RASGRP1: variants seen among roughly 807,000 people sequenced by gnomAD.
RASGRP1 encodes the protein RAS guanyl releasing protein 1.
RASGRP1 carries 37 observed loss-of-function variants against 95.1 expected under a neutral mutation model. That is an observed-to-expected ratio of 0.39 (90% CI 0.30 to 0.51). The LOEUF (loss-of-function observed/expected upper bound fraction) is 0.51, where lower values mean the gene tolerates loss of function less well. Ranked by LOEUF, RASGRP1 falls within the 20% of genes least tolerant of loss-of-function variation. RASGRP1 has a pLI of 0.80. For synonymous variants in RASGRP1, 325 were observed against 353.4 expected (o/e 0.92, Z 0.90); for missense variants, 711 against 965.4 (o/e 0.74, Z 3.49).
At chr15:38,547,070 T>C (rs754564629) in intron 2 of RASGRP1, among the ~76,000 whole-genome samples, 58 of 152,208 alleles carry the variant, frequency 3.8e-4, no homozygotes, top group Non-Finnish European at 6.0e-4. Flanking sequence ...CAGCCACTCA[T>C]AAATGGTTCA....
In RASGRP1 at chr15:38,502,398, G is replaced by T; in HGVS notation, c.1452C>A (p.His484Gln). ...CCTGAGAAATGTATCCATCCTGGTC[G>T]TGATCATAGTTCTTGAAGACAGACT... Reference protein sequence around the residue: ...MVDSVFKNYDHDQDGYISQEE... With the variant: ...MVDSVFKNYDQDQDGYISQEE... Residue 484 changes from histidine to glutamine, a missense_variant, in exon 12 of 17, where the codon CAC becomes CAA. Physicochemically the swap from His to Gln is conservative, Grantham distance 24 (BLOSUM62 0). Transcript: ENST00000310803. The T allele has an allele frequency of 6.2e-7, 1 of 1,600,918 alleles. No individual in the cohort carries two copies. Among genetic ancestry groups the T allele is most frequent in the African/African-American group, 1.3e-5 (1 of 74,796 alleles).
intron 2 of RASGRP1, among the ~76,000 whole-genome samples, chr15:38,553,818 T>C (rs946606480): frequency 3.9e-5 from 6 of 152,206 alleles, no homozygotes; most frequent in African/African-American, 7.2e-5. Flanking sequence ...TCTCATTAGA[T>C]CTGGCTGGAT....
At chr15:38,543,394 T>C (rs1892978387) in intron 2 of RASGRP1, among the ~76,000 whole-genome samples, 1 of 152,172 alleles carries the variant, frequency 6.6e-6, no homozygotes, top group Admixed American at 6.6e-5. Context: ...ACTGATATAT[T>C]TGTCTATCCT....
At chr15:38,537,897 G>GT (rs1418603962) in intron 2 of RASGRP1, among the ~76,000 whole-genome samples, 22 of 152,188 alleles carry the variant, frequency 1.4e-4, no homozygotes, top group African/African-American at 4.8e-4. Context: ...AACTGCACCG[G>GT]TGAGTGAGGA....
chr15:38,523,385 T>TA (rs1298096189), intron 3 of RASGRP1, among the ~76,000 whole-genome samples: 15 of 152,254 alleles, frequency 9.9e-5, no homozygotes, highest in African/African-American at 3.4e-4. Flanking sequence ...TAATAAACAT[T>TA]AAACATTTTT....
chr15:38,499,198 G>C, intron 14 of RASGRP1: 1 of 631,918 alleles, frequency 1.6e-6, no homozygotes, highest in Non-Finnish European at 2.9e-6. Context: ...GGAGGGAAGA[G>C]ATGGTGTCCT....
Position 38,501,299 on chromosome 15 carries a change from T to C in RASGRP1, c.1539-12A>G, listed in dbSNP as rs760544788. 3 of 1,612,964 alleles carry C rather than the reference T, an allele frequency of 1.9e-6. No individual in the cohort carries two copies. Among genetic ancestry groups the C allele is most frequent in the African/African-American group, 2.7e-5 (2 of 74,906 alleles). On this transcript the variant is annotated splice_polypyrimidine_tract_variant and intron_variant, in intron 12 of 16. Transcript: ENST00000310803. ...TGATGAGGCCTTCCCTGCCGGCAGA[T>C]GACCAAGGCAAGGATGTGAGTATAA...
intron 3 of RASGRP1, among the ~76,000 whole-genome samples, chr15:38,520,419 C>CA (rs1166038371): frequency 8.5e-5 from 13 of 152,204 alleles, no homozygotes; most frequent in African/African-American, 3.1e-4. Context: ...TAAAGAAAAG[C>CA]AAAAGAGAGT....
intron 2 of RASGRP1, among the ~76,000 whole-genome samples, chr15:38,531,177 T>C (rs1049936681): frequency 1.3e-5 from 2 of 152,222 alleles, no homozygotes; most frequent in Non-Finnish European, 2.9e-5. Context: ...TGTTCACAAC[T>C]CACAGCTGAG....
At position 38,506,491 on chromosome 15, in the gene RASGRP1, C is replaced by T. The variant is rs149493664; in HGVS notation, c.1243-571G>A. ...CTCTACAAAAAATACAAAAGTTAAC[C>T]GGGCGTGGTGGCGTGTGCCCGTGGT... On this transcript the variant is annotated intron_variant, in intron 9 of 16. Coordinates refer to ENST00000310803, the MANE Select transcript of RASGRP1 (RefSeq NM_005739.4). Among the ~76,000 whole-genome samples, 444 of 151,950 alleles carry T rather than the reference C, an allele frequency of 2.9e-3. 2 individuals carry two copies. Among genetic ancestry groups the T allele is most frequent in the African/African-American group, 0.01 (426 of 41,426 alleles).
In RASGRP1 at chr15:38,502,994, A is replaced by G. The variant is rs572801742; in HGVS notation, c.1428+278T>C. Reference sequence around the variant, plus strand: ...ATTACCCCTTACTATACTCAAATGCATCCCAATACTTCTGTACTCCTAAAT... The same window carrying G: ...ATTACCCCTTACTATACTCAAATGCGTCCCAATACTTCTGTACTCCTAAAT... On this transcript the variant is annotated intron_variant, in intron 11 of 16. Coordinates refer to ENST00000310803, the MANE Select transcript of RASGRP1 (RefSeq NM_005739.4). 5 of 480,000 alleles carry G rather than the reference A, an allele frequency of 1.0e-5. No individual in the cohort carries two copies. The South Asian group carries it at 1.6e-4, about 15-fold the overall frequency. The allele number at this position is 480,000 out of a possible 1,614,324, so 29.7% of individuals were successfully genotyped here.
At chr15:38,541,576 A>G (rs760413396) in intron 2 of RASGRP1, among the ~76,000 whole-genome samples, 2 of 152,210 alleles carry the variant, frequency 1.3e-5, no homozygotes, top group Non-Finnish European at 2.9e-5. Context: ...TGGGTGATAG[A>G]GCAAGACCCT....
intron 1 of RASGRP1, among the ~76,000 whole-genome samples, chr15:38,560,947 T>C (rs1215547200): frequency 6.6e-6 from 1 of 152,214 alleles, no homozygotes; most frequent in Non-Finnish European, 1.5e-5. Flanking sequence ...ATTTGGGAAG[T>C]TGATTGTCTT....
intron 2 of RASGRP1, among the ~76,000 whole-genome samples, chr15:38,548,310 C>T (rs1474532989): frequency 1.3e-5 from 2 of 152,158 alleles, no homozygotes; most frequent in Admixed American, 1.3e-4. Context: ...TGCCTGTAAT[C>T]CCAATACTTT....
At chr15:38,506,635 CAAAAAAAAAAAAA>C (rs370153317) in intron 9 of RASGRP1, among the ~76,000 whole-genome samples, 5 of 71,620 alleles carry the variant, frequency 7.0e-5, no homozygotes, top group African/African-American at 2.1e-4. Flanking sequence ...ACCTTGTCTC[CAAAAAAAAAAAAA>C]AAAAAAAAAA....
chr15:38,544,581 ACTCT>A (rs1017976710), intron 2 of RASGRP1, among the ~76,000 whole-genome samples: 6 of 151,812 alleles, frequency 4.0e-5, no homozygotes, highest in African/African-American at 7.3e-5. Flanking sequence ...TCTTGCAAGC[ACTCT>A]CTCTGTCTGT....
chr15:38,526,741 G>A (rs559321065), intron 2 of RASGRP1, among the ~76,000 whole-genome samples: 1 of 152,170 alleles, frequency 6.6e-6, no homozygotes, highest in Non-Finnish European at 1.5e-5. Flanking sequence ...TGGTTGGGGG[G>A]TGGGCAGGGA....
chr15:38,516,123 T>A (rs1891773576), intron 6 of RASGRP1, 74 bp downstream of exon 6: 1 of 1,488,206 alleles, frequency 6.7e-7, no homozygotes, highest in Non-Finnish European at 9.3e-7. Context: ...ATGAAGCGGA[T>A]GGGCTGTTGA....
chr15:38,501,121 G>A, intron 13 of RASGRP1, 22 bp downstream of exon 13: 4 of 1,573,096 alleles, frequency 2.5e-6, no homozygotes, highest in Non-Finnish European at 3.4e-6. Flanking sequence ...TTCAGCCCTG[G>A]AGCACCCTAA....
Sources: allele counts gnomAD v4.1 joint callset (sites outside exome capture counted in the v4.1 genomes callset), GRCh38; gene constraint gnomAD v4.1.1; transcripts MANE v1.5; gene names NCBI Gene and HGNC (gene_info 2026-07-23, HGNC 2026-07-21).